The following SCARB1 variants were observed in gnomAD, a reference collection of about 807,000 sequenced individuals.
The protein encoded by SCARB1 is scavenger receptor class B member 1, also known as CD36 and LIMPII analogous 1.
A neutral mutation model predicts 57.2 loss-of-function variants in SCARB1; 30 were observed. That is an observed-to-expected ratio of 0.52 (90% confidence interval 0.39 to 0.71). The LOEUF is 0.71. SCARB1 is among the 30% of genes least tolerant of loss of function. The pLI is 0.00. For synonymous variants in SCARB1, 249 were observed against 268.3 expected, an observed-to-expected ratio of 0.93 and a Z score of 0.70; for missense variants, 543 against 671.2, an observed-to-expected ratio of 0.81 and a Z score of 2.11.
At chr12:124,795,293 G>T (rs369746779) in intron 8 of SCARB1, 25 bp from the exon 9 acceptor site, 2 of 1,599,642 alleles carry the variant, frequency 1.3e-6, no homozygotes, top group Non-Finnish European at 8.6e-7. Context: ...ACAGTGAGGA[G>T]ACTGGCCACC....
rs60063887 is a variant in SCARB1, at chr12:124,817,353, TAAAAA to T, written c.284+192_284+196del. Among the ~76,000 whole-genome samples the T allele has an allele frequency of 2.9e-5, 2 of 68,772 alleles. No homozygotes were observed. The highest frequency in any genetic ancestry group is 5.3e-5 in the Non-Finnish European group (2 of 37,542). 45.1% of individuals were successfully genotyped at this position (68,772 alleles called of 152,430 possible). ...GGGCAACATAGCAAGATCCCATCTC[TAAAAA>T]AAAAAAAAAAAAAAAAAAAAACCCT... On this transcript the variant is annotated intron_variant, in intron 2 of 12. Transcript: ENST00000261693. The surrounding 1 kb of genome is among the most constrained non-coding windows in gnomAD (Gnocchi z 4.8).
chr12:124,790,617 G>T (rs962830017), intron 9 of SCARB1, among the ~76,000 whole-genome samples: 8 of 152,312 alleles, frequency 5.3e-5, no homozygotes, highest in Non-Finnish European at 1.0e-4. Context: ...TGGCAAAATT[G>T]TGACAGCAGC....
chr12:124,778,399 C>T lies in SCARB1; in HGVS notation c.*188G>A. The stretch of plus-strand genomic sequence containing the variant: ...ATCCCTGAGTGTCTGCACAAGCCTG[C>T]ACGCATGTGTGTATGTGTGCCAGGG... On this transcript the variant is annotated 3_prime_UTR_variant, in exon 13 of 13. Transcript: ENST00000261693. 1 of 1,253,258 alleles carries T rather than the reference C, an allele frequency of 8.0e-7. No individual in the cohort carries two copies. The highest frequency in any genetic ancestry group is 1.0e-6 in the Non-Finnish European group (1 of 995,190). The allele number at this position is 1,253,258 out of a possible 1,614,324, so 77.6% of individuals were successfully genotyped here.
At position 124,807,218 on chromosome 12, in the gene SCARB1, A is replaced by T. The variant is rs564465773; in HGVS notation, c.1009+543T>A. Among the ~76,000 whole-genome samples the T allele has an allele frequency of 6.6e-6, 1 of 152,166 alleles. No individual in the cohort carries two copies. The highest frequency in any genetic ancestry group is 2.1e-4 in the South Asian group (1 of 4,818). On this transcript the variant is annotated intron_variant, in intron 7 of 12. Coordinates refer to ENST00000261693, the MANE Select transcript of SCARB1 (RefSeq NM_005505.5). The surrounding 1 kb of genome is among the most constrained non-coding windows in gnomAD (Gnocchi z 5.3). ...TCTGTCTCAAAAAAAATAATAATAA[A>T]CAAGATGGGGAGATTGTCCTGGGGT...
intron 9 of SCARB1, among the ~76,000 whole-genome samples, chr12:124,793,692 C>CAAAAAAAAA (rs71092224): frequency 1.9e-5 from 1 of 51,552 alleles, no homozygotes; most frequent in African/African-American, 6.1e-5. Context: ...GACTCCGTCT[C>CAAAAAAAAA]AAAAAAAAAA....
At chr12:124,832,122 T>C (rs1325779778) in intron 1 of SCARB1, among the ~76,000 whole-genome samples, 2 of 152,250 alleles carry the variant, frequency 1.3e-5, no homozygotes, top group Non-Finnish European at 2.9e-5. Flanking sequence ...GGTTCATTCA[T>C]AGCAACAAAT....
At chr12:124,788,149 C>CT (rs888064632) in intron 9 of SCARB1, among the ~76,000 whole-genome samples, 1 of 152,120 alleles carries the variant, frequency 6.6e-6, no homozygotes, top group Non-Finnish European at 1.5e-5. Context: ...TTGGCATGGG[C>CT]TGAGGGAACC....
At chr12:124,840,117 G>T in intron 1 of SCARB1, 3 of 1,226,012 alleles carry the variant, frequency 2.4e-6, no homozygotes, top group East Asian at 5.7e-5. Flanking sequence ...GTGTCTCACT[G>T]ATTCTCATTT....
intron 8 of SCARB1, among the ~76,000 whole-genome samples, chr12:124,795,536 A>G (rs955982784): frequency 1.3e-5 from 2 of 152,204 alleles, no homozygotes; most frequent in East Asian, 1.9e-4. Flanking sequence ...CACAGCCTCA[A>G]AGAGGTTCCT....
At chr12:124,843,642 G>C (rs1952007326) in intron 1 of SCARB1, among the ~76,000 whole-genome samples, 1 of 151,974 alleles carries the variant, frequency 6.6e-6, no homozygotes, top group African/African-American at 2.4e-5. Flanking sequence ...TTTAAAAATA[G>C]GGTCTCTACA....
Position 124,817,968 on chromosome 12 carries a change from A to T in SCARB1, c.127-261T>A, listed in dbSNP as rs1950807895. 6.6e-6 allele frequency among the ~76,000 whole-genome samples: 1 copy of T among 152,196 alleles called. No individual in the cohort carries two copies. Among genetic ancestry groups the T allele is most frequent in the South Asian group, 2.1e-4 (1 of 4,830 alleles). On this transcript the variant is annotated intron_variant, in intron 1 of 12. Coordinates refer to ENST00000261693, the MANE Select transcript of SCARB1 (RefSeq NM_005505.5). This position sits in a 1 kb window ranked among gnomAD's most constrained non-coding sequence, Gnocchi z 4.8. ...AGCAACAGGTGACACCAGTCAAGGG[A>T]CTGTGGTAAACAGGGGCCCATGCAC... is the stretch of plus-strand genomic sequence containing the variant.
chr12:124,825,261 C>G (rs1219046614), intron 1 of SCARB1, among the ~76,000 whole-genome samples: 1 of 149,974 alleles, frequency 6.7e-6, no homozygotes, highest in Non-Finnish European at 1.5e-5. Context: ...GATCCCCACC[C>G]ACCCCACTTA....
Position 124,807,371 on chromosome 12 carries a change from G to A in SCARB1, c.1009+390C>T, listed in dbSNP as rs1751171155. ...TGCCATGTTGCTGGCCTCAAAGGTG[G>A]AGGAAGGGCCCGGGAGCCAAGAAAC... On this transcript the variant is annotated intron_variant, in intron 7 of 12. Transcript: ENST00000261693. The surrounding 1 kb of genome is among the most constrained non-coding windows in gnomAD (Gnocchi z 5.3). Among the ~76,000 whole-genome samples the A allele has an allele frequency of 6.6e-6, 1 of 152,122 alleles. No homozygotes were observed. Among genetic ancestry groups the A allele is most frequent in the African/African-American group, 2.4e-5 (1 of 41,418 alleles).
Position 124,800,958 on chromosome 12 carries a change from A to G in SCARB1, c.1010-716T>C, listed in dbSNP as rs970054227. On this transcript the variant is annotated intron_variant, in intron 7 of 12. Coordinates refer to ENST00000261693, the MANE Select transcript of SCARB1 (RefSeq NM_005505.5). This position sits in a 1 kb window ranked among gnomAD's most constrained non-coding sequence, Gnocchi z 4.8. ...CGCCATGGCTTACACCTGTAATCCCAACACTTTGGGAGGCCTCAGCAGGCA... is the reference window on the plus strand; with the variant it reads ...CGCCATGGCTTACACCTGTAATCCCGACACTTTGGGAGGCCTCAGCAGGCA... Among the ~76,000 whole-genome samples, 17 of 152,218 alleles carry G rather than the reference A, an allele frequency of 1.1e-4. No homozygotes were observed. Among genetic ancestry groups the G allele is most frequent in the African/African-American group, 4.1e-4 (17 of 41,460 alleles).
At chr12:124,820,481 A>G (rs1457377291) in intron 1 of SCARB1, among the ~76,000 whole-genome samples, 1 of 150,710 alleles carries the variant, frequency 6.6e-6, no homozygotes, top group African/African-American at 2.5e-5. Flanking sequence ...CCACCACCCC[A>G]TGCGACCACA....
intron 1 of SCARB1, among the ~76,000 whole-genome samples, chr12:124,826,917 T>C (rs1951182651): frequency 6.6e-6 from 1 of 152,132 alleles, no homozygotes; most frequent in African/African-American, 2.4e-5. Flanking sequence ...TAGAAAAACA[T>C]TCAGGGAAAT....
chr12:124,831,358 C>T (rs1468069845), intron 1 of SCARB1, among the ~76,000 whole-genome samples: 4 of 152,258 alleles, frequency 2.6e-5, no homozygotes, highest in East Asian at 1.9e-4. Context: ...CTCAGGTGAT[C>T]GGCCCACCTT....
intron 11 of SCARB1, chr12:124,785,788 C>A: frequency 4.6e-6 from 2 of 432,114 alleles, no homozygotes; most frequent in Non-Finnish European, 4.1e-6. Context: ...AAATTAATTC[C>A]ACCTGTTTCC....
At position 124,787,409 on chromosome 12, in the gene SCARB1, T is replaced by TG. The variant is rs1449602737; in HGVS notation, c.1250dup (p.Glu418ArgfsTer59). The TG allele has an allele frequency of 1.2e-6, 2 of 1,613,854 alleles. No individual in the cohort carries two copies. The highest frequency in any genetic ancestry group is 1.7e-6 in the Non-Finnish European group (2 of 1,179,936). On this transcript the variant is annotated frameshift_variant, in exon 10 of 13. Transcript: ENST00000261693. LOFTEE classifies it high-confidence loss of function. ...GCTGTGCCCAACGCACCCTTACCTCTGCAAACCAGAGCAGCGGCAGGACCA... is the reference window on the plus strand; with the variant it reads ...GCTGTGCCCAACGCACCCTTACCTCTGGCAAACCAGAGCAGCGGCAGGACCA...
Sources: gnomAD v4.1 joint callset for allele counts (sites outside exome capture counted in the v4.1 genomes callset) on GRCh38, gnomAD v4.1.1 for gene constraint, Gnocchi (gnomAD v3.1) non-coding constraint, MANE v1.5 for transcripts, NCBI Gene and HGNC (gene_info 2026-07-23, HGNC 2026-07-21) for gene names.